LRRC41: variants seen among roughly 807,000 people sequenced by gnomAD.
The protein encoded by LRRC41 is leucine rich repeat containing 41, also known as leucine-rich repeat-containing protein 41.
A neutral mutation model predicts 72.1 loss-of-function variants in LRRC41; 17 were observed. That is an observed-to-expected ratio of 0.24 (90% CI 0.16 to 0.35). The LOEUF is 0.35. LRRC41 is among the 10% of genes least tolerant of loss of function. LRRC41 has a pLI of 1.00. For synonymous variants in LRRC41, 427 were observed against 431.0 expected, an observed-to-expected ratio of 0.99 and a Z score of 0.11; for missense variants, 759 against 1,065.0, an observed-to-expected ratio of 0.71 and a Z score of 4.00.
Position 46,286,288 on chromosome 1 carries a change from G to T in LRRC41, c.569C>A (p.Thr190Asn), listed in dbSNP as rs779062603. 6.2e-7 allele frequency: 1 copy of T among 1,614,242 alleles called. No homozygotes were observed. Among genetic ancestry groups the T allele is most frequent in the South Asian group, 1.1e-5 (1 of 91,092 alleles). ...VAEPNRRVLE[T>N]LASSLHTLKF... ...GAGAGTGTGCAGGGAGCTGGCCAGG[G>T]TCTCCAGAACCCTGCGGTTGGGCTC... is the stretch of plus-strand genomic sequence containing the variant. Residue 190 changes from threonine (T) to asparagine (N), a missense_variant, in exon 4 of 10, where the codon ACC (threonine) becomes AAC (asparagine). This residue lies in a region of LRRC41 where 116 missense variants were observed against 250.9 expected (regional missense o/e 0.46). Transcript: ENST00000617190. The surrounding 1 kb of genome is among the most constrained non-coding windows in gnomAD (Gnocchi z 5.5).
rs761304456 is a variant in LRRC41, at chr1:46,278,278, G to A, written c.*587C>T. On this transcript the variant is annotated 3_prime_UTR_variant, in exon 10 of 10. Transcript: ENST00000617190. Reference sequence around the variant, plus strand: ...TCTCATGAGGAGCAGCGGGGCCTCCGCTGATAACCAGCTGGTCTGGGTGTA... The same window carrying A: ...TCTCATGAGGAGCAGCGGGGCCTCCACTGATAACCAGCTGGTCTGGGTGTA... 8.7e-6 allele frequency: 14 copies of A among 1,611,288 alleles called. No homozygotes were observed. The highest frequency in any genetic ancestry group is 3.3e-5 in the South Asian group (3 of 90,396).
In LRRC41 at chr1:46,279,210, A is replaced by C; in HGVS notation, c.2191T>G (p.Ser731Ala). 1.2e-6 allele frequency: 2 copies of C among 1,614,128 alleles called. No homozygotes were observed. The highest frequency in any genetic ancestry group is 1.6e-4 in the Middle Eastern group (1 of 6,062). Residue 731 changes from serine (S) to alanine (A), a missense_variant, in exon 9 of 10, where the codon TCC (serine) becomes GCC (alanine). Ser to Ala is a moderately conservative substitution (Grantham distance 99). Transcript: ENST00000617190. The surrounding 1 kb of genome is among the most constrained non-coding windows in gnomAD (Gnocchi z 4.5). ...ATGTCCAGCTGACAGAGAGAGGAGGATGAATCCTCTGAGAAAACATCTGCC... is the reference window on the plus strand; with the variant it reads ...ATGTCCAGCTGACAGAGAGAGGAGGCTGAATCCTCTGAGAAAACATCTGCC... ...ALADVFSEDS[S>A]SSLCQLDISS...
At position 46,280,372 on chromosome 1, in the gene LRRC41, T is replaced by A. The variant is rs775067188; in HGVS notation, c.1921+24A>T. 8.1e-6 allele frequency: 13 copies of A among 1,614,180 alleles called. No individual in the cohort carries two copies. In the South Asian group the frequency reaches 1.4e-4, roughly 18 times the overall value. On this transcript the variant is annotated intron_variant, in intron 6 of 9. Transcript: ENST00000617190. ...CTAGGTCCCCACCTACTCCTCTCCC[T>A]TCACCATTCTGGCTGGGTCCTACCT...
chr1:46,288,558 A>T (rs1660931299), intron 3 of LRRC41, among the ~76,000 whole-genome samples: 2 of 152,350 alleles, frequency 1.3e-5, no homozygotes, highest in South Asian at 4.1e-4. Context: ...GAGGTTCCCC[A>T]AGACTAAAAC....
Position 46,280,444 on chromosome 1 carries a change from T to C in LRRC41, c.1873A>G (p.Thr625Ala), listed in dbSNP as rs182761596. Residue 625 changes from threonine to alanine, a missense_variant, in exon 6 of 10, where the codon ACC becomes GCC. By Grantham distance (58) the Thr-to-Ala change is moderately conservative (BLOSUM62 0). Transcript: ENST00000617190. ...SLQQLSLDSA[T>A]FASPQDFGLV... ...CCAAAATCCTGGGGAGAGGCAAAGG[T>C]GGCACTATCCAGGGACAGCTGCTGC... 1.3e-5 allele frequency: 21 copies of C among 1,614,196 alleles called. No individual in the cohort carries two copies. Among genetic ancestry groups the C allele is most frequent in the South Asian group, 1.1e-5 (1 of 91,088 alleles).
At chr1:46,298,575 G>T in intron 1 of LRRC41, 1 of 466,382 alleles carries the variant, frequency 2.1e-6, no homozygotes, top group Non-Finnish European at 3.8e-6. Context: ...GGAATTTCAG[G>T]GGCAAGGGTG....
At chr1:46,299,615 A>G (rs1193930002) in intron 1 of LRRC41, 1 of 152,160 alleles carries the variant, frequency 6.6e-6, no homozygotes, top group Non-Finnish European at 1.5e-5. Flanking sequence ...AATGGTTCAC[A>G]CCTGTAATAC....
chr1:46,285,855 G>A lies in LRRC41; in HGVS notation c.1002C>T (p.Gly334=), dbSNP rs752040470. ...RRSTQESLTA[G]GTDLKRELHP... ...GCAGCTCCCTCTTAAGGTCTGTTCC[G>A]CCTGCTGTCAGGCTCTCCTGTGTGC... The change falls in exon 4 of 10, where the codon GGC becomes GGT. Residue 334 remains glycine, a synonymous_variant. Transcript: ENST00000617190. This position sits in a 1 kb window ranked among gnomAD's most constrained non-coding sequence, Gnocchi z 5.3. 22 of 1,586,226 alleles carry A rather than the reference G, an allele frequency of 1.4e-5. 1 individual carries two copies. Among genetic ancestry groups the A allele is most frequent in the South Asian group, 3.5e-5 (3 of 86,806 alleles).
Position 46,279,074 on chromosome 1 carries a change from T to C in LRRC41, c.2230A>G (p.Ile744Val). The C allele has an allele frequency of 2.5e-6, 4 of 1,609,420 alleles. No individual in the cohort carries two copies. Among genetic ancestry groups the C allele is most frequent in the Non-Finnish European group, 2.5e-6 (3 of 1,177,320 alleles). Reference protein sequence around the residue: ...LCQLDISSNCIKPDGLLEFAK... With the variant: ...LCQLDISSNCVKPDGLLEFAK... ...AACTCCAGAAGCCCATCTGGCTTGA[T>C]GCAGTTGGAACTGGTAGGGTGAGAT... Residue 744 changes from isoleucine to valine, a missense_variant, in exon 10 of 10, where the codon ATC (isoleucine) becomes GTC (valine). Coordinates refer to ENST00000617190, the MANE Select transcript of LRRC41 (RefSeq NM_006369.5). This position sits in a 1 kb window ranked among gnomAD's most constrained non-coding sequence, Gnocchi z 4.5.
In LRRC41 at chr1:46,278,755, A is replaced by G. The variant is rs771749188; in HGVS notation, c.*110T>C. 32 of 1,100,094 alleles carry G rather than the reference A, an allele frequency of 2.9e-5. No homozygotes were observed. The highest frequency in any genetic ancestry group is 3.4e-5 in the Non-Finnish European group (26 of 755,986). The allele number at this position is 1,100,094 out of a possible 1,614,324, so 68.1% of individuals were successfully genotyped here. A position where few individuals can be genotyped will look rare whatever the true frequency, so the allele number is the denominator to read the frequency against. On this transcript the variant is annotated 3_prime_UTR_variant, in exon 10 of 10. Coordinates refer to ENST00000617190, the MANE Select transcript of LRRC41 (RefSeq NM_006369.5). ...AGGGAAGAAGGAAAAAAGAGAAAAAAGGTGACAGAAAGAGAAAGATAGAAC... is the reference window on the plus strand; with the variant it reads ...AGGGAAGAAGGAAAAAAGAGAAAAAGGGTGACAGAAAGAGAAAGATAGAAC...
chr1:46,282,425 C>G (rs1569637712), intron 4 of LRRC41, among the ~76,000 whole-genome samples: 1 of 152,208 alleles, frequency 6.6e-6, no homozygotes, highest in Admixed American at 6.5e-5. Flanking sequence ...ATTCAACTAC[C>G]CAGTGCCTAC....
In LRRC41 at chr1:46,303,051, G is replaced by GC. The variant is rs1034071498; in HGVS notation, c.199+72dup. 7 of 1,330,922 alleles carry GC rather than the reference G, an allele frequency of 5.3e-6. No individual in the cohort carries two copies. The Admixed American group carries it at 1.5e-4, about 29-fold the overall frequency. 82.4% of individuals were successfully genotyped at this position (1,330,922 alleles called of 1,614,324 possible). Reference sequence around the variant, plus strand: ...GCCTTGCCCCGGGCCTCCCGGCCTCGCCCCCCGCGCCCCCCGGCCGCTGGG... The same window carrying GC: ...GCCTTGCCCCGGGCCTCCCGGCCTCGCCCCCCCGCGCCCCCCGGCCGCTGGG... On this transcript the variant is annotated intron_variant, in intron 1 of 9. Transcript: ENST00000617190.
intron 3 of LRRC41, among the ~76,000 whole-genome samples, chr1:46,289,069 A>C (rs1395311240): frequency 6.6e-6 from 1 of 152,228 alleles, no homozygotes; most frequent in Non-Finnish European, 1.5e-5. Context: ...GTTTCTGGCT[A>C]TAAGAGGCAC....
intron 1 of LRRC41, chr1:46,300,445 A>G (rs896359832): frequency 1.3e-5 from 2 of 152,190 alleles, no homozygotes; most frequent in African/African-American, 4.8e-5. Flanking sequence ...ATCTAGTATA[A>G]TTATTTGTAC....
chr1:46,301,624 A>G (rs548428594), intron 1 of LRRC41, among the ~76,000 whole-genome samples: 4 of 151,780 alleles, frequency 2.6e-5, no homozygotes, highest in Non-Finnish European at 5.9e-5. Context: ...CCGGAGCTTC[A>G]GTCCCCCCAA....
chr1:46,278,055 G>GTGCCT lies in LRRC41; in HGVS notation c.*805_*809dup, dbSNP rs1660670954. 6.2e-7 allele frequency: 1 copy of GTGCCT among 1,614,136 alleles called. No homozygotes were observed. Among genetic ancestry groups the GTGCCT allele is most frequent in the East Asian group, 2.2e-5 (1 of 44,890 alleles). On this transcript the variant is annotated 3_prime_UTR_variant, in exon 10 of 10. Transcript: ENST00000617190. Reference sequence around the variant, plus strand: ...GATGGGATCTGTAGTGACTTCAGCTGTGCCTTCTGTCCCTAGGTTGCACTG... The same window carrying GTGCCT: ...GATGGGATCTGTAGTGACTTCAGCTGTGCCTTGCCTTCTGTCCCTAGGTTGCACTG...
At chr1:46,296,417 C>CAAACA (rs369577873) in intron 3 of LRRC41, among the ~76,000 whole-genome samples, 3,409 of 152,016 alleles carry the variant, frequency 0.022, 44 homozygotes, top group African/African-American at 0.045. Flanking sequence ...AACTCCGTCT[C>CAAACA]AAACAAAACA....
Position 46,303,352 on chromosome 1 carries a change from C to A in LRRC41, c.-30G>T, listed in dbSNP as rs1364078305. The A allele has an allele frequency of 1.4e-6, 2 of 1,472,822 alleles. No homozygotes were observed. Among genetic ancestry groups the A allele is most frequent in the African/African-American group, 1.4e-5 (1 of 69,332 alleles). 91.2% of individuals were successfully genotyped at this position (1,472,822 alleles called of 1,614,324 possible). On this transcript the variant is annotated 5_prime_UTR_variant, in exon 1 of 10. Transcript: ENST00000617190. ...GGGAGGTGCGCGAGCCCGAGAGTGT[C>A]GCCCGCGGACCGCCATCTTGAAAAG...
chr1:46,296,834 A>G (rs890014140), intron 3 of LRRC41: 19 of 152,200 alleles, frequency 1.2e-4, no homozygotes, highest in Admixed American at 1.2e-3. Context: ...AGGTTAGCAA[A>G]AATGTATCTT....
Sources: allele counts gnomAD v4.1 joint callset (sites outside exome capture counted in the v4.1 genomes callset), GRCh38; gene constraint gnomAD v4.1.1; regional missense constraint gnomAD v4.1.1; non-coding constraint Gnocchi (gnomAD v3.1); transcripts MANE v1.5; gene names NCBI Gene and HGNC (gene_info 2026-07-23, HGNC 2026-07-21).